CLTCL1: variants seen among roughly 807,000 people sequenced by gnomAD.
The protein encoded by CLTCL1 is clathrin heavy chain 2.
Under a neutral mutation model 190.0 loss-of-function variants are expected in CLTCL1, and 159 were observed. The observed-to-expected ratio is 0.84, with a 90% CI of 0.74 to 0.95. CLTCL1 has a LOEUF of 0.95. Among genes scored for constraint, CLTCL1 ranks in the 40% least tolerant of loss-of-function variants. The probability of loss-of-function intolerance (pLI) is 0.00; values close to 1 mark genes in which losing one functional copy is unlikely to be tolerated. For missense variants in CLTCL1, 1,878 were observed against 2,033.4 expected (o/e 0.92, Z 1.47); for synonymous variants, 752 against 769.6 (o/e 0.98, Z 0.38).
chr22:19,275,822 G>C lies in CLTCL1; in HGVS notation c.51C>G (p.Asn17Lys). The C allele has an allele frequency of 6.3e-7, 1 of 1,595,110 alleles. No homozygotes were observed. Among genetic ancestry groups the C allele is most frequent in the Non-Finnish European group, 8.5e-7 (1 of 1,170,478 alleles). ...CAATGTTAGCTGGATTAATTCCAAG[G>C]TTTTGGAGCTAAACAGAAAAAAAGC... ...VRFQEHFQLQ[N>K]LGINPANIGF... Residue 17 changes from asparagine (N) to lysine (K), a missense_variant, in exon 2 of 33, where the codon AAC becomes AAG. Transcript: ENST00000427926.
intron 2 of CLTCL1, among the ~76,000 whole-genome samples, chr22:19,263,201 C>T (rs1175975690): frequency 5.3e-5 from 8 of 151,564 alleles, no homozygotes; most frequent in Admixed American, 2.0e-4. Context: ...TCAAGATATT[C>T]TCCCATCTCA....
At chr22:19,232,429 T>A in intron 10 of CLTCL1, 47 bp downstream of exon 10, 1 of 1,611,906 alleles carries the variant, frequency 6.2e-7, no homozygotes. Flanking sequence ...ATCTTCTAGA[T>A]GGCTCTAAAA....
At chr22:19,213,875 T>A (rs1489556211) in intron 19 of CLTCL1, among the ~76,000 whole-genome samples, 1 of 152,190 alleles carries the variant, frequency 6.6e-6, no homozygotes, top group Non-Finnish European at 1.5e-5. Context: ...AGATCTACAC[T>A]TGTGTTAAAA....
intron 18 of CLTCL1, among the ~76,000 whole-genome samples, chr22:19,216,520 T>C (rs1292289164): frequency 6.6e-6 from 1 of 152,244 alleles, no homozygotes; most frequent in African/African-American, 2.4e-5. Flanking sequence ...ACCAGGCATT[T>C]TGAAATGAAT....
chr22:19,204,712 G>C (rs868981729), intron 22 of CLTCL1, among the ~76,000 whole-genome samples: 13 of 152,332 alleles, frequency 8.5e-5, no homozygotes, highest in South Asian at 4.1e-4. Context: ...AGGAAACGCA[G>C]GGAAAATGAG....
intron 6 of CLTCL1, 117 bp from the exon 7 acceptor site, chr22:19,234,823 C>T (rs781892841): frequency 3.0e-5 from 27 of 912,900 alleles, no homozygotes; most frequent in Non-Finnish European, 3.9e-5. Context: ...GTGTTGAGCA[C>T]ACCTGTGATG....
At chr22:19,280,951 G>C (rs1555986257) in intron 1 of CLTCL1, among the ~76,000 whole-genome samples, 1 of 151,770 alleles carries the variant, frequency 6.6e-6, no homozygotes, top group Non-Finnish European at 1.5e-5. Context: ...GAGTGTGAAT[G>C]GGGAGTCATT....
At chr22:19,205,973 T>C (rs557119202) in intron 22 of CLTCL1, among the ~76,000 whole-genome samples, 4 of 151,386 alleles carry the variant, frequency 2.6e-5, no homozygotes, top group Admixed American at 6.6e-5. Flanking sequence ...GTCACCCAGG[T>C]TGGAGTGCAG....
intron 29 of CLTCL1, among the ~76,000 whole-genome samples, chr22:19,186,918 T>C (rs1184017958): frequency 6.7e-6 from 1 of 148,686 alleles, no homozygotes; most frequent in Non-Finnish European, 1.5e-5. Flanking sequence ...GTGATTTTAA[T>C]TTAGGTTTTT....
intron 19 of CLTCL1, among the ~76,000 whole-genome samples, chr22:19,215,050 G>A (rs1478460902): frequency 2.0e-5 from 3 of 152,232 alleles, no homozygotes; most frequent in Non-Finnish European, 4.4e-5. Context: ...TGAGAAGCAA[G>A]TGTTTAAGAA....
chr22:19,253,531 C>A (rs2086661481), intron 3 of CLTCL1, among the ~76,000 whole-genome samples: 1 of 152,186 alleles, frequency 6.6e-6, no homozygotes, highest in Admixed American at 6.6e-5. Flanking sequence ...CCTCAACAAC[C>A]TCTCAAAACA....
intron 26 of CLTCL1, among the ~76,000 whole-genome samples, chr22:19,194,077 T>A (rs948167034): frequency 6.6e-6 from 1 of 152,216 alleles, no homozygotes; most frequent in East Asian, 1.9e-4. Context: ...TACAGAGTGC[T>A]GATTGGCCCA....
chr22:19,209,322 A>G (rs376139210), intron 20 of CLTCL1: 21 of 485,662 alleles, frequency 4.3e-5, no homozygotes, highest in African/African-American at 2.5e-4. Context: ...CCGAACAAAG[A>G]AGAGACACTC....
At chr22:19,224,799 G>A (rs571404134) in intron 13 of CLTCL1, among the ~76,000 whole-genome samples, 51 of 152,326 alleles carry the variant, frequency 3.3e-4, no homozygotes, top group Admixed American at 1.0e-3. Flanking sequence ...CCTGAGGACA[G>A]GGTCATGTCC....
intron 18 of CLTCL1, among the ~76,000 whole-genome samples, chr22:19,218,825 AC>A (rs2085473710): frequency 6.6e-6 from 1 of 152,194 alleles, no homozygotes; most frequent in African/African-American, 2.4e-5. Flanking sequence ...GCCAGGCCAT[AC>A]CCAATAATGA....
intron 5 of CLTCL1, among the ~76,000 whole-genome samples, 169 bp downstream of exon 5, chr22:19,239,106 G>A (rs116366093): frequency 6.6e-6 from 1 of 152,264 alleles, no homozygotes; most frequent in African/African-American, 2.4e-5. Context: ...TCTACGAACA[G>A]GGCTTTCCCA....
intron 2 of CLTCL1, among the ~76,000 whole-genome samples, chr22:19,267,248 T>C (rs2087149388): frequency 6.6e-6 from 1 of 151,934 alleles, no homozygotes; most frequent in Non-Finnish European, 1.5e-5. Flanking sequence ...AATAAAATAC[T>C]TGGGAATAAA....
intron 22 of CLTCL1, among the ~76,000 whole-genome samples, chr22:19,206,439 T>C (rs1287950931): frequency 2.0e-5 from 3 of 151,954 alleles, no homozygotes; most frequent in African/African-American, 7.3e-5. Context: ...GAGATGGGGG[T>C]CTCACTATGT....
rs375877916 is a variant in CLTCL1, at chr22:19,254,040, G to A, written c.438C>T (p.Thr146=). The A allele has an allele frequency of 8.7e-6, 14 of 1,612,080 alleles. No homozygotes were observed. The South Asian group carries it at 1.2e-4, about 14-fold the overall frequency. ...GAATCACCTGGCAGCCCACCAGACT[G>A]GTATGTCTATCAAACATCTTCATGG... ...SQPMKMFDRH[T]SLVGCQVIHY... Residue 146 remains threonine, a synonymous_variant, in exon 3 of 33, where the codon ACC becomes ACT. Transcript: ENST00000427926.
Sources: gnomAD v4.1 joint callset for allele counts (sites outside exome capture counted in the v4.1 genomes callset) on GRCh38, gnomAD v4.1.1 for gene constraint, MANE v1.5 for transcripts, NCBI Gene and HGNC (gene_info 2026-07-23, HGNC 2026-07-21) for gene names.